TENM3: variants seen among roughly 807,000 people sequenced by gnomAD.
TENM3 encodes the protein teneurin-3.
Under a neutral mutation model 255.1 loss-of-function variants are expected in TENM3, and 63 were observed. That is an observed-to-expected ratio of 0.25 (90% CI 0.20 to 0.30). The LOEUF (loss-of-function observed/expected upper bound fraction) is 0.30. TENM3 is among the 10% of genes least tolerant of loss of function. The probability of loss-of-function intolerance (pLI) is 1.00; values close to 1 mark genes in which losing one functional copy is unlikely to be tolerated. For synonymous variants in TENM3, 1,306 were observed against 1,322.3 expected (o/e 0.99, Z 0.27); for missense variants, 2,929 against 3,461.1 (o/e 0.85, Z 3.86).
At chr4:181,931,678 A>G in the TENM3 span, among the ~76,000 whole-genome samples, 3 of 152,244 alleles carry the variant, frequency 2.0e-5, no homozygotes, top group Non-Finnish European at 2.9e-5. Context: ...TAAATTTCAT[A>G]TGGAACCAAA....
chr4:182,120,451 A>G, the TENM3 span, among the ~76,000 whole-genome samples: 1 of 152,120 alleles, frequency 6.6e-6, no homozygotes, highest in Admixed American at 6.5e-5. Context: ...CTACATATAT[A>G]TGTGTGTTGT....
At chr4:181,580,535 A>G in the TENM3 span, among the ~76,000 whole-genome samples, 1 of 152,204 alleles carries the variant, frequency 6.6e-6, no homozygotes, top group Admixed American at 6.5e-5. Context: ...AACCCCCATC[A>G]ACAGCTCAGA....
At chr4:182,157,908 T>A (rs1001718844) in intron 1 of TENM3, among the ~76,000 whole-genome samples, 1 of 152,210 alleles carries the variant, frequency 6.6e-6, no homozygotes, top group African/African-American at 2.4e-5. Context: ...CATATTAAAT[T>A]TTCACATCTA....
At chr4:181,839,406 T>C in the TENM3 span, among the ~76,000 whole-genome samples, 4 of 144,290 alleles carry the variant, frequency 2.8e-5, no homozygotes, top group Non-Finnish European at 6.1e-5. Context: ...CATATATATA[T>C]ACATGTATGC....
the TENM3 span, among the ~76,000 whole-genome samples, chr4:181,779,562 C>T: frequency 6.6e-6 from 1 of 151,932 alleles, no homozygotes. Flanking sequence ...TTTTATTATA[C>T]ATTTAAATCT....
At chr4:182,154,000 G>T (rs1356753709) in intron 1 of TENM3, among the ~76,000 whole-genome samples, 1 of 151,822 alleles carries the variant, frequency 6.6e-6, no homozygotes, top group African/African-American at 2.4e-5. Context: ...GCCTCGTAGG[G>T]ATTATTTTTT....
At chr4:181,558,890 C>A in the TENM3 span, among the ~76,000 whole-genome samples, 1 of 152,164 alleles carries the variant, frequency 6.6e-6, no homozygotes, top group Non-Finnish European at 1.5e-5. Context: ...AATATTTGAT[C>A]ATTTCAAGAG....
chr4:182,083,403 T>C, the TENM3 span, among the ~76,000 whole-genome samples: 1 of 152,176 alleles, frequency 6.6e-6, no homozygotes, highest in Non-Finnish European at 1.5e-5. Context: ...TTTTGAATAA[T>C]TGAAAAATCA....
At chr4:181,606,678 A>C in the TENM3 span, among the ~76,000 whole-genome samples, 1 of 151,982 alleles carries the variant, frequency 6.6e-6, no homozygotes, top group South Asian at 2.1e-4. Context: ...AGTGCCAGGC[A>C]GTCTTTTTTG....
the TENM3 span, among the ~76,000 whole-genome samples, chr4:181,720,402 G>A: frequency 6.6e-6 from 1 of 152,128 alleles, no homozygotes; most frequent in East Asian, 1.9e-4. Flanking sequence ...TTATTTTGAT[G>A]TGTAAGAGTA....
At chr4:182,674,658 C>T (rs1211327942) in intron 7 of TENM3, among the ~76,000 whole-genome samples, 2 of 152,122 alleles carry the variant, frequency 1.3e-5, no homozygotes, top group Non-Finnish European at 2.9e-5. Context: ...TCACTGTAGC[C>T]TCAACCTCCT....
chr4:182,385,692 C>CA (rs774615997), intron 3 of TENM3, among the ~76,000 whole-genome samples: 2 of 152,110 alleles, frequency 1.3e-5, no homozygotes, highest in African/African-American at 4.8e-5. Context: ...GGAAATGAAA[C>CA]AAAAAAATTT....
the TENM3 span, among the ~76,000 whole-genome samples, chr4:181,929,967 G>A: frequency 5.9e-5 from 9 of 152,088 alleles, no homozygotes; most frequent in East Asian, 1.9e-4. Flanking sequence ...TAAGTTATTC[G>A]AAACGAGTGA....
chr4:182,390,785 C>T (rs942882948), intron 3 of TENM3, among the ~76,000 whole-genome samples: 1 of 152,154 alleles, frequency 6.6e-6, no homozygotes, highest in African/African-American at 2.4e-5. Flanking sequence ...CTTATTGATC[C>T]TCTTCAAAAT....
At chr4:182,450,610 A>C (rs914324680) in intron 3 of TENM3, among the ~76,000 whole-genome samples, 1 of 152,230 alleles carries the variant, frequency 6.6e-6, no homozygotes, top group Non-Finnish European at 1.5e-5. Flanking sequence ...ATTATACATT[A>C]ACTGAGAGAC....
At chr4:181,767,251 C>CAA in the TENM3 span, among the ~76,000 whole-genome samples, 1,223 of 75,450 alleles carry the variant, frequency 0.016, 47 homozygotes, top group Middle Eastern at 0.036. Flanking sequence ...GACTCCGTCT[C>CAA]AAAAAAAAAA....
chr4:182,325,728 C>T (rs1214019796), intron 2 of TENM3, among the ~76,000 whole-genome samples: 3 of 151,848 alleles, frequency 2.0e-5, no homozygotes, highest in African/African-American at 7.3e-5. Context: ...CTCTTTAGTG[C>T]CCTGTTGGAA....
chr4:181,729,150 G>A, the TENM3 span, among the ~76,000 whole-genome samples: 2 of 152,234 alleles, frequency 1.3e-5, no homozygotes, highest in African/African-American at 4.8e-5. Flanking sequence ...ATATAATTCT[G>A]TACATAATTC....
the TENM3 span, among the ~76,000 whole-genome samples, chr4:181,558,642 C>A: frequency 6.6e-6 from 1 of 152,154 alleles, no homozygotes; most frequent in South Asian, 2.1e-4. Context: ...TGCAATGATG[C>A]CTGGGTTGTG....
Sources: gnomAD v4.1 joint callset for allele counts (sites outside exome capture counted in the v4.1 genomes callset) on GRCh38, gnomAD v4.1.1 for gene constraint, MANE v1.5 for transcripts, NCBI Gene and HGNC (gene_info 2026-07-23, HGNC 2026-07-21) for gene names.